The following PHACTR3 variants were observed in gnomAD, a reference collection of about 807,000 sequenced individuals.
PHACTR3 encodes protein phosphatase 1, regulatory subunit 123.
A neutral mutation model predicts 66.8 loss-of-function variants in PHACTR3; 16 were observed. The ratio of observed to expected loss-of-function variants is 0.24; its 90% confidence interval spans 0.16 to 0.36. The LOEUF (loss-of-function observed/expected upper bound fraction) is 0.36, where lower values mean the gene tolerates loss of function less well. Among genes scored for constraint, PHACTR3 ranks in the 10% least tolerant of loss-of-function variants. The pLI is 1.00. For missense variants in PHACTR3, 647 were observed against 719.9 expected, an observed-to-expected ratio of 0.90 and a Z score of 1.16; for synonymous variants, 323 against 292.1, an observed-to-expected ratio of 1.11 and a Z score of -1.08.
In PHACTR3 at chr20:59,696,461, A is replaced by G. The variant is rs2037300120; in HGVS notation, c.119-46646A>G. Among the ~76,000 whole-genome samples the G allele has an allele frequency of 2.6e-5, 4 of 152,104 alleles. No individual in the cohort carries two copies. The South Asian group carries it at 8.3e-4, about 32-fold the overall frequency. On this transcript the variant is annotated intron_variant, in intron 1 of 12. Coordinates refer to ENST00000371015, the MANE Select transcript of PHACTR3 (RefSeq NM_080672.5). The stretch of plus-strand genomic sequence containing the variant: ...AAGATACTTTTCATGTGGTTGACCC[A>G]TGGCAGAAGGAAGGACCTGTGTCAT...
chr20:59,654,658 G>T (rs2035559209), intron 1 of PHACTR3, among the ~76,000 whole-genome samples: 1 of 152,226 alleles, frequency 6.6e-6, no homozygotes, highest in African/African-American at 2.4e-5. Context: ...GGAGGCTAAA[G>T]GAACGTGTTA....
chr20:59,723,066 CTTTCTTTCT>C (rs1201641401), intron 1 of PHACTR3, among the ~76,000 whole-genome samples: 1 of 85,062 alleles, frequency 1.2e-5, no homozygotes, highest in East Asian at 4.8e-4. Flanking sequence ...CTTTCTCTTT[CTTTCTTTCT>C]TTCTTTCTTT....
intron 8 of PHACTR3, among the ~76,000 whole-genome samples, chr20:59,825,494 C>G (rs1484617724): frequency 6.6e-6 from 1 of 152,178 alleles, no homozygotes; most frequent in East Asian, 1.9e-4. Context: ...ACGGACCAGG[C>G]TTGGTTCCAG....
intron 1 of PHACTR3, chr20:59,676,885 C>CT (rs371799678): frequency 0.029 from 4,655 of 160,422 alleles, 67 homozygotes; most frequent in Middle Eastern, 0.059. Flanking sequence ...AAGAGAATGG[C>CT]TTTTTTTTTT....
At chr20:59,807,508 T>A (rs6100601) in intron 8 of PHACTR3, among the ~76,000 whole-genome samples, 2,171 of 152,288 alleles carry the variant, frequency 0.014, 50 homozygotes, top group African/African-American at 0.05. Flanking sequence ...AACTTTTTTT[T>A]AATAAGTAGG....
intron 7 of PHACTR3, among the ~76,000 whole-genome samples, chr20:59,775,500 A>G (rs1314448725): frequency 6.6e-6 from 1 of 152,120 alleles, no homozygotes; most frequent in East Asian, 1.9e-4. Context: ...CCAGGGCTCC[A>G]TAGCCTCCCG....
chr20:59,723,561 C>T (rs1290315442), intron 1 of PHACTR3, among the ~76,000 whole-genome samples: 1 of 152,122 alleles, frequency 6.6e-6, no homozygotes, highest in Admixed American at 6.5e-5. Flanking sequence ...AGCTGCTGTG[C>T]ATATTCACGT....
At chr20:59,735,728 C>A (rs555118285) in intron 1 of PHACTR3, among the ~76,000 whole-genome samples, 1 of 152,224 alleles carries the variant, frequency 6.6e-6, no homozygotes, top group South Asian at 2.1e-4. Context: ...ATGCGAGACC[C>A]AGCAACAAGC....
chr20:59,795,990 C>T (rs6027114), intron 7 of PHACTR3, among the ~76,000 whole-genome samples: 2 of 151,974 alleles, frequency 1.3e-5, no homozygotes, highest in African/African-American at 4.8e-5. Flanking sequence ...GGTAAATACT[C>T]CTGCCATTTT....
chr20:59,804,312 C>A (rs140903024), intron 7 of PHACTR3, among the ~76,000 whole-genome samples: 34 of 152,262 alleles, frequency 2.2e-4, no homozygotes, highest in Non-Finnish European at 4.0e-4. Flanking sequence ...GGAACTTTTT[C>A]TCGGTTAAGA....
chr20:59,768,184 A>AT (rs1437486625), intron 5 of PHACTR3, among the ~76,000 whole-genome samples: 2 of 152,180 alleles, frequency 1.3e-5, no homozygotes, highest in Admixed American at 6.5e-5. Context: ...AAGCTTAGGT[A>AT]TTTTTTATCT....
At chr20:59,813,342 C>T (rs2041793235) in intron 8 of PHACTR3, among the ~76,000 whole-genome samples, 1 of 152,196 alleles carries the variant, frequency 6.6e-6, no homozygotes, top group East Asian at 1.9e-4. Flanking sequence ...GCAAAGTTTG[C>T]CTTCTGCCTC....
At chr20:59,831,317 C>G (rs1297402565) in intron 8 of PHACTR3, among the ~76,000 whole-genome samples, 3 of 152,334 alleles carry the variant, frequency 2.0e-5, no homozygotes, top group Non-Finnish European at 2.9e-5. Context: ...CCTGGTCCTT[C>G]CGGCCTCCCT....
Position 59,738,278 on chromosome 20 carries a change from C to CA in PHACTR3, c.119-4828dup, listed in dbSNP as rs1456636889. 6.6e-5 allele frequency among the ~76,000 whole-genome samples: 10 copies of CA among 152,096 alleles called. No individual in the cohort carries two copies. Among genetic ancestry groups the CA allele is most frequent in the Admixed American group, 6.5e-4 (10 of 15,282 alleles). On this transcript the variant is annotated intron_variant, in intron 1 of 12. Coordinates refer to ENST00000371015, the MANE Select transcript of PHACTR3 (RefSeq NM_080672.5). The surrounding 1 kb of genome is among the most constrained non-coding windows in gnomAD (Gnocchi z 4.4). ...CCCCATGTTCTTCACAGCTACGTCA[C>CA]ACTGGCTTCCATGGCACATGGCAAG...
chr20:59,627,808 A>G (rs2034511448), intron 1 of PHACTR3, among the ~76,000 whole-genome samples: 3 of 152,196 alleles, frequency 2.0e-5, no homozygotes, highest in African/African-American at 7.2e-5. Flanking sequence ...TATCATCTAT[A>G]AATATATGTA....
intron 1 of PHACTR3, among the ~76,000 whole-genome samples, chr20:59,711,984 C>CT (rs1248832106): frequency 6.6e-5 from 10 of 151,602 alleles, no homozygotes; most frequent in East Asian, 1.9e-4. Flanking sequence ...ATATTAAGGA[C>CT]TTTTTTTTCA....
intron 1 of PHACTR3, among the ~76,000 whole-genome samples, chr20:59,742,528 G>A (rs958686917): frequency 9.9e-5 from 15 of 152,204 alleles, no homozygotes; most frequent in African/African-American, 1.9e-4. Context: ...CTGGCTCTGC[G>A]TTGGGTTCCA....
At chr20:59,637,620 T>G (rs1162304949) in intron 1 of PHACTR3, among the ~76,000 whole-genome samples, 2 of 151,594 alleles carry the variant, frequency 1.3e-5, no homozygotes, top group Admixed American at 6.6e-5. Context: ...CTCCTGTCCC[T>G]ACCCTCAACC....
intron 1 of PHACTR3, among the ~76,000 whole-genome samples, chr20:59,593,418 T>A (rs528114688): frequency 3.3e-5 from 5 of 152,320 alleles, no homozygotes; most frequent in Middle Eastern, 6.8e-3. Context: ...TTTTTAGGTG[T>A]CTTTTACAAA....
Sources: gnomAD v4.1 joint callset for allele counts (sites outside exome capture counted in the v4.1 genomes callset) on GRCh38, gnomAD v4.1.1 for gene constraint, Gnocchi (gnomAD v3.1) non-coding constraint, MANE v1.5 for transcripts, NCBI Gene and HGNC (gene_info 2026-07-23, HGNC 2026-07-21) for gene names.